The following NF2 variants were observed in gnomAD, a reference collection of about 807,000 sequenced individuals.
NF2 encodes the protein merlin.
Under a neutral mutation model 83.7 loss-of-function variants are expected in NF2, and 8 were observed. The ratio of observed to expected loss-of-function variants is 0.10; its 90% CI spans 0.06 to 0.17. The LOEUF (loss-of-function observed/expected upper bound fraction) is 0.17. NF2 is among the 10% of genes least tolerant of loss of function. The pLI is 1.00. For synonymous variants in NF2, 266 were observed against 269.6 expected, an observed-to-expected ratio of 0.99 and a Z score of 0.13; for missense variants, 533 against 744.4, an observed-to-expected ratio of 0.72 and a Z score of 3.31.
intron 3 of NF2, among the ~76,000 whole-genome samples, chr22:29,640,781 G>A (rs1362222012): frequency 6.6e-6 from 1 of 152,128 alleles, no homozygotes; most frequent in Non-Finnish European, 1.5e-5. Context: ...GTGTGTGTGT[G>A]TGTGTGTGTG....
chr22:29,625,001 C>T lies in NF2; in HGVS notation c.115-11750C>T, dbSNP rs369152401. On this transcript the variant is annotated intron_variant, in intron 1 of 15. Transcript: ENST00000338641. ...AGGCTGGAGTGCAGTGGTGAGATCT[C>T]GGCTCACTGCAACCTCCGCCTCTGC... Among the ~76,000 whole-genome samples, 155 of 145,890 alleles carry T rather than the reference C, an allele frequency of 1.1e-3. 1 individual carries two copies. Among genetic ancestry groups the T allele is most frequent in the African/African-American group, 3.6e-3 (143 of 39,364 alleles).
Position 29,658,192 on chromosome 22 carries a change from T to C in NF2, c.603T>C (p.Asp201=). 1 of 1,614,058 alleles carries C rather than the reference T, an allele frequency of 6.2e-7. No homozygotes were observed. Among genetic ancestry groups the C allele is most frequent in the Non-Finnish European group, 8.5e-7 (1 of 1,180,010 alleles). ...WYAEHRGRAR[D]EAEMEYLKIA... The stretch of plus-strand genomic sequence containing the variant: ...GTGTCTTCCGTTCTCCCCACAGGGA[T>C]GAAGCTGAAATGGAATATCTGAAGA... The change falls in exon 7 of 16, where the codon GAT becomes GAC. Residue 201 remains aspartate (D), a synonymous_variant. Coordinates refer to ENST00000338641, the MANE Select transcript of NF2 (RefSeq NM_000268.4).
At chr22:29,634,696 A>G (rs191934822) in intron 1 of NF2, among the ~76,000 whole-genome samples, 2 of 152,332 alleles carry the variant, frequency 1.3e-5, no homozygotes, top group Admixed American at 1.3e-4. Context: ...TATAATTTAT[A>G]TACTAGAGCT....
At chr22:29,609,104 G>T (rs1569263356) in intron 1 of NF2, 1 of 748,278 alleles carries the variant, frequency 1.3e-6, no homozygotes, top group South Asian at 1.4e-5. Flanking sequence ...CTTTCATCTC[G>T]AGGAAACTGA....
intron 1 of NF2, among the ~76,000 whole-genome samples, chr22:29,633,149 A>G (rs1212755860): frequency 6.6e-6 from 1 of 152,240 alleles, no homozygotes; most frequent in Non-Finnish European, 1.5e-5. Context: ...AGATTTAACC[A>G]AACAGAAAGA....
At chr22:29,626,279 G>T (rs1392932486) in intron 1 of NF2, among the ~76,000 whole-genome samples, 1 of 150,568 alleles carries the variant, frequency 6.6e-6, no homozygotes, top group East Asian at 2.0e-4. Context: ...TCAGCCTCCC[G>T]AGTAGCTGGG....
At chr22:29,660,682 C>G (rs895887017) in intron 7 of NF2, among the ~76,000 whole-genome samples, 2 of 152,208 alleles carry the variant, frequency 1.3e-5, no homozygotes, top group Non-Finnish European at 2.9e-5. Context: ...TCCTGCTCAG[C>G]CTCCTGAGTA....
Position 29,696,333 on chromosome 22 carries a change from C to T in NF2, c.*1531C>T, listed in dbSNP as rs565224641. ...GGATTACAGGCATGAGCCACTGCAC[C>T]CAGCCCCTTCTTGCCCTTTCTTTTC... On this transcript the variant is annotated 3_prime_UTR_variant, in exon 16 of 16. Transcript: ENST00000338641. 1 of 219,082 alleles carries T rather than the reference C, an allele frequency of 4.6e-6. No homozygotes were observed. Among genetic ancestry groups the T allele is most frequent in the African/African-American group, 2.3e-5 (1 of 44,354 alleles). The allele number at this position is 219,082 out of a possible 1,614,324, so 13.6% of individuals were successfully genotyped here.
chr22:29,679,329 T>C (rs1225665003), intron 14 of NF2, among the ~76,000 whole-genome samples: 2 of 152,132 alleles, frequency 1.3e-5, no homozygotes, highest in African/African-American at 4.8e-5. Context: ...AGGCTGTTTT[T>C]CTTTGGGCTC....
At chr22:29,674,731 C>T in intron 12 of NF2, 105 bp from the exon 13 acceptor site, 1 of 925,016 alleles carries the variant, frequency 1.1e-6, no homozygotes, top group Non-Finnish European at 1.7e-6. Context: ...CTTTGGGTGC[C>T]ATCCTCAGGG....
At position 29,636,734 on chromosome 22, in the gene NF2, T is replaced by C. The variant is rs2146851116; in HGVS notation, c.115-17T>C. On this transcript the variant is annotated splice_polypyrimidine_tract_variant and intron_variant, in intron 1 of 15. Transcript: ENST00000338641. This position sits in a 1 kb window ranked among gnomAD's most constrained non-coding sequence, Gnocchi z 4.4. Reference sequence around the variant, plus strand: ...TTTTTGCTCACAGTGTCCTTCCCCATTGGTTTGTTATTGCAGATGAAGTGG... The same window carrying C: ...TTTTTGCTCACAGTGTCCTTCCCCACTGGTTTGTTATTGCAGATGAAGTGG... 6.2e-7 allele frequency: 1 copy of C among 1,614,110 alleles called. No individual in the cohort carries two copies. Among genetic ancestry groups the C allele is most frequent in the Non-Finnish European group, 8.5e-7 (1 of 1,179,986 alleles).
chr22:29,673,115 C>T (rs1329980162), intron 11 of NF2, among the ~76,000 whole-genome samples, 154 bp from the exon 12 acceptor site: 1 of 152,218 alleles, frequency 6.6e-6, no homozygotes, highest in Non-Finnish European at 1.5e-5. Context: ...GGGAATGTGG[C>T]TTGTCATTTC....
rs2067544578 is a variant in NF2 at position 29,696,089 on chromosome 22, TCC to T, written c.*1288_*1289del. The T allele has an allele frequency of 4.6e-6, 1 of 219,122 alleles. No homozygotes were observed. 13.6% of individuals were successfully genotyped at this position (219,122 alleles called of 1,614,324 possible). A position where few individuals can be genotyped will look rare whatever the true frequency, so the allele number is the denominator to read the frequency against. On this transcript the variant is annotated 3_prime_UTR_variant, in exon 16 of 16. Transcript: ENST00000338641. ...TTCTTTTTTTTTTTTTTTTTTTTTT[TCC>T]GAGATGGAGTCTCTCTCTGTCACCC...
At chr22:29,645,781 C>G (rs539787634) in intron 4 of NF2, among the ~76,000 whole-genome samples, 1 of 152,292 alleles carries the variant, frequency 6.6e-6, no homozygotes, top group South Asian at 2.1e-4. Flanking sequence ...AGTGAACCAG[C>G]AGATGTTTGC....
intron 1 of NF2, among the ~76,000 whole-genome samples, chr22:29,614,313 C>T (rs1251800661): frequency 1.3e-5 from 2 of 150,738 alleles, no homozygotes; most frequent in African/African-American, 2.4e-5. Flanking sequence ...TGCGGTGGCT[C>T]AACACCTGTA....
chr22:29,681,827 G>A (rs2067145555), intron 15 of NF2, among the ~76,000 whole-genome samples: 1 of 152,308 alleles, frequency 6.6e-6, no homozygotes, highest in African/African-American at 2.4e-5. Flanking sequence ...AAGCTCTGAT[G>A]TAATGAACCC....
intron 4 of NF2, among the ~76,000 whole-genome samples, chr22:29,644,109 T>C (rs1247721067): frequency 6.7e-6 from 1 of 149,150 alleles, no homozygotes; most frequent in African/African-American, 2.5e-5. Context: ...GCGGAGGGGC[T>C]CCTCACTTCT....
chr22:29,643,641 A>G (rs372730758), intron 4 of NF2, among the ~76,000 whole-genome samples: 1 of 152,224 alleles, frequency 6.6e-6, no homozygotes, highest in African/African-American at 2.4e-5. Flanking sequence ...CCAAGGCAGA[A>G]GAATTTTTCT....
At chr22:29,608,959 G>T (rs1367945782) in intron 1 of NF2, 5 of 611,000 alleles carry the variant, frequency 8.2e-6, no homozygotes, top group African/African-American at 3.7e-5. Context: ...CAATTTAGGG[G>T]CCCAGTGCCT....
Sources: gnomAD v4.1 joint callset for allele counts (sites outside exome capture counted in the v4.1 genomes callset) on GRCh38, gnomAD v4.1.1 for gene constraint, Gnocchi (gnomAD v3.1) non-coding constraint, MANE v1.5 for transcripts, NCBI Gene and HGNC (gene_info 2026-07-23, HGNC 2026-07-21) for gene names.